Variants in VSTM1 observed in about 807,000 individuals in gnomAD.
VSTM1 encodes V-set and transmembrane domain containing 1.
Under a neutral mutation model 33.1 loss-of-function variants are expected in VSTM1, and 27 were observed. The ratio of observed to expected loss-of-function variants is 0.82; its 90% CI spans 0.60 to 1.12. VSTM1 has a LOEUF of 1.12. VSTM1 is among the 50% of genes most tolerant of loss of function. The probability of loss-of-function intolerance (pLI) is 0.00; values close to 1 mark genes in which losing one functional copy is unlikely to be tolerated. For synonymous variants in VSTM1, 115 were observed against 110.3 expected (o/e 1.04, Z -0.27); for missense variants, 304 against 288.9 (o/e 1.05, Z -0.38).
chr19:54,055,281 T>C (rs1242906460), intron 3 of VSTM1, among the ~76,000 whole-genome samples: 1 of 141,754 alleles, frequency 7.1e-6, no homozygotes, highest in African/African-American at 2.6e-5. Flanking sequence ...CATAATGAAA[T>C]ATAAATTTTC....
At chr19:54,049,897 G>A (rs2070757005) in intron 4 of VSTM1, among the ~76,000 whole-genome samples, 1 of 151,844 alleles carries the variant, frequency 6.6e-6, no homozygotes, top group Admixed American at 6.6e-5. Context: ...GGATGATTAA[G>A]CATCTAGATG....
At chr19:54,051,221 G>A (rs946800239) in intron 4 of VSTM1, among the ~76,000 whole-genome samples, 189 bp downstream of exon 4, 1 of 151,808 alleles carries the variant, frequency 6.6e-6, no homozygotes, top group Admixed American at 6.6e-5. Context: ...GAATCCGGGA[G>A]GCGAAGGTTG....
chr19:54,042,800 AAATGTG>A (rs2070359412), intron 4 of VSTM1, among the ~76,000 whole-genome samples: 1 of 105,624 alleles, frequency 9.5e-6, no homozygotes, highest in East Asian at 2.7e-4. Flanking sequence ...GTGTATATAT[AAATGTG>A]TATATATATA....
intron 4 of VSTM1, among the ~76,000 whole-genome samples, chr19:54,044,126 C>G (rs183357298): frequency 6.6e-6 from 1 of 152,110 alleles, no homozygotes; most frequent in Non-Finnish European, 1.5e-5. Context: ...AGCAGTGACA[C>G]GGGCATGGAA....
chr19:54,042,812 A>ATATATATG lies in VSTM1; in HGVS notation c.395-444_395-443insCATATATA, dbSNP rs1555752335. On this transcript the variant is annotated intron_variant, in intron 4 of 8. Transcript: ENST00000338372. The stretch of plus-strand genomic sequence containing the variant: ...TGTGTGTATATATAAATGTGTATAT[A>ATATATATG]TATATATATATATATATATATATAT... Among the ~76,000 whole-genome samples, 104 of 39,118 alleles carry ATATATATG rather than the reference A, an allele frequency of 2.7e-3. 2 individuals carry two copies. The highest frequency in any genetic ancestry group is 8.0e-3 in the African/African-American group (96 of 12,062). 25.7% of individuals were successfully genotyped at this position (39,118 alleles called of 152,430 possible).
chr19:54,042,474 A>T, intron 4 of VSTM1, 105 bp from the exon 5 acceptor site: 1 of 1,457,090 alleles, frequency 6.9e-7, no homozygotes, highest in Non-Finnish European at 9.1e-7. Context: ...CTGGCTTCCA[A>T]GCCTGGATCT....
At chr19:54,063,357 CATAA>C (rs563191686) in intron 1 of VSTM1, among the ~76,000 whole-genome samples, 76 of 152,022 alleles carry the variant, frequency 5.0e-4, no homozygotes, top group African/African-American at 1.6e-3. Flanking sequence ...TGCATACATA[CATAA>C]ATAAATAAAT....
chr19:54,046,064 T>C (rs1568457488), intron 4 of VSTM1, among the ~76,000 whole-genome samples: 1 of 152,224 alleles, frequency 6.6e-6, no homozygotes, highest in Admixed American at 6.5e-5. Flanking sequence ...TAGTTATCTA[T>C]CTACCTACTT....
intron 1 of VSTM1, among the ~76,000 whole-genome samples, chr19:54,059,803 T>C (rs2071296575): frequency 6.7e-6 from 1 of 150,368 alleles, no homozygotes; most frequent in African/African-American, 2.4e-5. Flanking sequence ...GCCACTTAAA[T>C]AATGCAAAGG....
At chr19:54,048,323 C>G in intron 4 of VSTM1, 1 of 371,412 alleles carries the variant, frequency 2.7e-6, no homozygotes, top group East Asian at 9.8e-5. Flanking sequence ...ACCAAGTTGT[C>G]CAGGCTGGTC....
chr19:54,062,664 C>T (rs1260500830), intron 1 of VSTM1, among the ~76,000 whole-genome samples: 9 of 147,928 alleles, frequency 6.1e-5, no homozygotes, highest in Non-Finnish European at 4.4e-5. Flanking sequence ...GTGGAGGTTG[C>T]AGTGAGCTGA....
intron 4 of VSTM1, among the ~76,000 whole-genome samples, chr19:54,045,752 T>C (rs576954007): frequency 6.6e-6 from 1 of 152,296 alleles, no homozygotes; most frequent in East Asian, 1.9e-4. Context: ...ATCACCTATC[T>C]AGGTATCTAT....
chr19:54,060,819 T>C lies in VSTM1; in HGVS notation c.35-2087A>G, dbSNP rs140308346. Among the ~76,000 whole-genome samples, 779 of 151,920 alleles carry C rather than the reference T, an allele frequency of 5.1e-3. 2 individuals carry two copies. Among genetic ancestry groups the C allele is most frequent in the Middle Eastern group, 0.031 (9 of 294 alleles). ...GATCCATCCATCTCAGCCTCCCAAATAACTGGGACTACAGGCATGCACCAC... is the reference window on the plus strand; with the variant it reads ...GATCCATCCATCTCAGCCTCCCAAACAACTGGGACTACAGGCATGCACCAC... On this transcript the variant is annotated intron_variant, in intron 1 of 8. Transcript: ENST00000338372.
At position 54,050,976 on chromosome 19, in the gene VSTM1, G is replaced by C. The variant is rs148200652; in HGVS notation, c.394+434C>G. 5.0e-3 allele frequency among the ~76,000 whole-genome samples: 750 copies of C among 149,934 alleles called. 8 individuals are homozygous for C. Among genetic ancestry groups the C allele is most frequent in the African/African-American group, 0.016 (645 of 40,792 alleles). ...ATTGTGCCACTTCACGCCACCCTGG[G>C]GGACAGAACAAGACTCTTTCTCAAA... On this transcript the variant is annotated intron_variant, in intron 4 of 8. Transcript: ENST00000338372.
rs947101219 is a variant in VSTM1 at position 54,050,355 on chromosome 19, T to C, written c.394+1055A>G. Among the ~76,000 whole-genome samples, 5 of 152,182 alleles carry C rather than the reference T, an allele frequency of 3.3e-5. No individual in the cohort carries two copies. In the East Asian group the frequency reaches 9.7e-4, roughly 29 times the overall value. ...GGACAGAATCTTAGTCAATTGTTAATGAATAAGCAACATTAGAAAAAAAAT... is the reference window on the plus strand; with the variant it reads ...GGACAGAATCTTAGTCAATTGTTAACGAATAAGCAACATTAGAAAAAAAAT... On this transcript the variant is annotated intron_variant, in intron 4 of 8. Coordinates refer to ENST00000338372, the MANE Select transcript of VSTM1 (RefSeq NM_198481.4).
At chr19:54,042,439 A>G (rs2070339350) in intron 4 of VSTM1, 70 bp from the exon 5 acceptor site, 6 of 1,542,708 alleles carry the variant, frequency 3.9e-6, no homozygotes, top group African/African-American at 1.4e-5. Context: ...CGAGCCGAAA[A>G]GCTAAGAGAA....
intron 3 of VSTM1, among the ~76,000 whole-genome samples, chr19:54,056,681 GCAAT>G (rs1394866950): frequency 7.2e-6 from 1 of 139,320 alleles, no homozygotes; most frequent in Non-Finnish European, 1.6e-5. Flanking sequence ...CTTTTCCATG[GCAAT>G]CATCACTTGG....
chr19:54,057,536 G>A (rs1478428565), intron 3 of VSTM1, among the ~76,000 whole-genome samples: 7 of 151,062 alleles, frequency 4.6e-5, no homozygotes, highest in East Asian at 3.9e-4. Flanking sequence ...GCAGCCGAGC[G>A]CAGTGGCTCA....
chr19:54,059,763 C>T (rs988494132), intron 1 of VSTM1, among the ~76,000 whole-genome samples: 1 of 152,064 alleles, frequency 6.6e-6, no homozygotes, highest in Non-Finnish European at 1.5e-5. Context: ...CATGAGCCAC[C>T]GTGCCCGGCC....
Sources: allele counts gnomAD v4.1 joint callset (sites outside exome capture counted in the v4.1 genomes callset), GRCh38; gene constraint gnomAD v4.1.1; transcripts MANE v1.5; gene names NCBI Gene and HGNC (gene_info 2026-07-23, HGNC 2026-07-21).